PLEKHA7: variants seen among roughly 807,000 people sequenced by gnomAD.
PLEKHA7 encodes pleckstrin homology domain-containing family A member 7.
In PLEKHA7, 104 loss-of-function variants were observed where a neutral mutation model predicts 170.0. The observed-to-expected ratio is 0.61, with a 90% CI of 0.52 to 0.72. The LOEUF is 0.72. Ranked by LOEUF, PLEKHA7 falls within the 30% of genes least tolerant of loss-of-function variation. The pLI, the probability that PLEKHA7 is intolerant of heterozygous loss-of-function variation, is 0.00. For synonymous variants in PLEKHA7, 648 were observed against 660.8 expected, an observed-to-expected ratio of 0.98 and a Z score of 0.30; for missense variants, 1,615 against 1,671.7, an observed-to-expected ratio of 0.97 and a Z score of 0.59.
intron 3 of PLEKHA7, among the ~76,000 whole-genome samples, chr11:16,936,490 T>C (rs1253880129): frequency 6.7e-6 from 1 of 150,034 alleles, no homozygotes; most frequent in African/African-American, 2.5e-5. Flanking sequence ...CCTAACAAAT[T>C]TGGAATCAAA....
At chr11:16,955,449 C>A (rs1405816699) in intron 3 of PLEKHA7, among the ~76,000 whole-genome samples, 1 of 152,186 alleles carries the variant, frequency 6.6e-6, no homozygotes, top group Non-Finnish European at 1.5e-5. Flanking sequence ...CTGAACTGGG[C>A]TTAAAGGACC....
At chr11:16,841,830 A>G in intron 8 of PLEKHA7, 108 bp from the exon 9 acceptor site, 1 of 1,112,338 alleles carries the variant, frequency 9.0e-7, no homozygotes, top group South Asian at 1.7e-5. Flanking sequence ...AAGCCCAAGC[A>G]CCACCCAACT....
intron 3 of PLEKHA7, among the ~76,000 whole-genome samples, chr11:16,973,945 G>C (rs1448920788): frequency 6.6e-6 from 1 of 152,156 alleles, no homozygotes; most frequent in Non-Finnish European, 1.5e-5. Flanking sequence ...CCATTGTCTT[G>C]AGCCTGCATG....
At position 16,789,145 on chromosome 11, in the gene PLEKHA7, A is replaced by G; in HGVS notation, c.3308T>C (p.Leu1103Pro). 1 of 1,610,412 alleles carries G rather than the reference A, an allele frequency of 6.2e-7. No homozygotes were observed. ...CCGGCTGAGGTAGCGAGATGAGGGC[A>G]GGCCCGTCCTCTCCCCTTGGCCCAG... ...RTLGQGERTG[L>P]PSSRYLSRPL... Residue 1103 changes from leucine to proline, a missense_variant, in exon 23 of 27, where the codon CTG becomes CCG. Transcript: ENST00000531066. The surrounding 1 kb of genome is among the most constrained non-coding windows in gnomAD (Gnocchi z 4.6).
In PLEKHA7 at chr11:16,821,187, T is replaced by C. The variant is rs748879959; in HGVS notation, c.1344-3865A>G. 2.0e-4 allele frequency among the ~76,000 whole-genome samples: 30 copies of C among 152,336 alleles called. 1 individual carries two copies. Among genetic ancestry groups the C allele is most frequent in the Middle Eastern group, 6.8e-3 (2 of 294 alleles). On this transcript the variant is annotated intron_variant, in intron 10 of 26. Coordinates refer to ENST00000531066, the MANE Select transcript of PLEKHA7 (RefSeq NM_001329630.2). Reference sequence around the variant, plus strand: ...AATATCATTTTTTGCAACAAATTATTATACTTTACTCAGCAGATGTTCCTC... The same window carrying C: ...AATATCATTTTTTGCAACAAATTATCATACTTTACTCAGCAGATGTTCCTC...
intron 3 of PLEKHA7, among the ~76,000 whole-genome samples, chr11:16,964,987 A>T (rs1862281448): frequency 7.1e-6 from 1 of 140,512 alleles, no homozygotes; most frequent in Admixed American, 7.6e-5. Context: ...TCATTTATTA[A>T]TGGGATATAC....
chr11:16,859,388 G>A (rs1362367556), intron 4 of PLEKHA7, among the ~76,000 whole-genome samples: 2 of 152,200 alleles, frequency 1.3e-5, no homozygotes, highest in Non-Finnish European at 2.9e-5. Context: ...AAAAAATGGT[G>A]GTCGTGCTTG....
intron 3 of PLEKHA7, among the ~76,000 whole-genome samples, chr11:16,925,529 C>T (rs2136283655): frequency 6.6e-6 from 1 of 152,302 alleles, no homozygotes; most frequent in East Asian, 1.9e-4. Flanking sequence ...CACACACCTG[C>T]AGGCCCCCCT....
At chr11:16,889,412 A>ATAT (rs1459889235) in intron 3 of PLEKHA7, among the ~76,000 whole-genome samples, 3 of 115,518 alleles carry the variant, frequency 2.6e-5, no homozygotes, top group African/African-American at 1.1e-4. Flanking sequence ...AAAAAAAAAA[A>ATAT]AAAAAAAAAT....
chr11:16,952,244 T>C (rs1463406032), intron 3 of PLEKHA7, among the ~76,000 whole-genome samples: 2 of 152,184 alleles, frequency 1.3e-5, no homozygotes, highest in African/African-American at 4.8e-5. Flanking sequence ...TGCAGGACTT[T>C]GGGTATTCCT....
At chr11:16,948,054 T>A (rs890228234) in intron 3 of PLEKHA7, among the ~76,000 whole-genome samples, 1 of 152,136 alleles carries the variant, frequency 6.6e-6, no homozygotes, top group Non-Finnish European at 1.5e-5. Flanking sequence ...GAGGAATTTA[T>A]GTTGTAAAGC....
chr11:16,847,090 C>CTTTTTTTTT (rs59132787), intron 8 of PLEKHA7, among the ~76,000 whole-genome samples: 8 of 70,810 alleles, frequency 1.1e-4, no homozygotes, highest in East Asian at 5.1e-4. Context: ...TTTTTTTTTT[C>CTTTTTTTTT]TTTTTTTTTT....
At position 16,791,450 on chromosome 11, in the gene PLEKHA7, T is replaced by C; in HGVS notation, c.2746-251A>G. 1.6e-6 allele frequency: 1 copy of C among 618,602 alleles called. No homozygotes were observed. Among genetic ancestry groups the C allele is most frequent in the Non-Finnish European group, 3.0e-6 (1 of 338,422 alleles). 38.3% of individuals were successfully genotyped at this position (618,602 alleles called of 1,614,324 possible). A position where few individuals can be genotyped will look rare whatever the true frequency, so the allele number is the denominator to read the frequency against. On this transcript the variant is annotated intron_variant, in intron 19 of 26. Coordinates refer to ENST00000531066, the MANE Select transcript of PLEKHA7 (RefSeq NM_001329630.2). The surrounding 1 kb of genome is among the most constrained non-coding windows in gnomAD (Gnocchi z 4.5). ...AAGTGTTACCTGTATAACTGTGTCC[T>C]GAAACCCAGGACTCAGGTCTCCTGG...
intron 9 of PLEKHA7, among the ~76,000 whole-genome samples, chr11:16,828,917 T>A (rs548418682): frequency 6.6e-6 from 1 of 152,170 alleles, no homozygotes; most frequent in African/African-American, 2.4e-5. Context: ...TGGAGAAACA[T>A]AGAATCCTAA....
At chr11:16,976,948 G>A (rs1209803656) in intron 3 of PLEKHA7, among the ~76,000 whole-genome samples, 1 of 152,146 alleles carries the variant, frequency 6.6e-6, no homozygotes, top group Non-Finnish European at 1.5e-5. Flanking sequence ...CTGGCAGTGT[G>A]CAGTTACACT....
rs754133147 is a variant in PLEKHA7 at position 16,871,106 on chromosome 11, GAA to G, written c.296_297del (p.Leu99ProfsTer23). 11 of 1,593,048 alleles carry G rather than the reference GAA, an allele frequency of 6.9e-6. No homozygotes were observed. Among genetic ancestry groups the G allele is most frequent in the African/African-American group, 2.7e-5 (2 of 74,340 alleles). On this transcript the variant is annotated frameshift_variant, in exon 4 of 27. Transcript: ENST00000531066. LOFTEE classifies it high-confidence loss of function. Reference protein sequence around the residue: ...QFSPENSEFILQEEPNPHMSK... With the variant: ...QFSPENSEFIXQEEPNPHMSK... ...ATACATAAAAAGACTTACTCTTCTT[GAA>G]GAATGAATTCACTATTTTCTGGAGA...
chr11:16,816,534 A>T (rs905923104), intron 11 of PLEKHA7, among the ~76,000 whole-genome samples: 1 of 152,058 alleles, frequency 6.6e-6, no homozygotes. Context: ...TAGTTGTGTG[A>T]CCCTGTGCAA....
At chr11:16,868,573 C>T (rs913769603) in intron 4 of PLEKHA7, among the ~76,000 whole-genome samples, 3 of 152,182 alleles carry the variant, frequency 2.0e-5, no homozygotes, top group Non-Finnish European at 2.9e-5. Flanking sequence ...GCCCCAGACA[C>T]AATGTAAGTA....
intron 3 of PLEKHA7, among the ~76,000 whole-genome samples, chr11:16,914,664 C>T (rs561897815): frequency 5.3e-5 from 8 of 152,258 alleles, no homozygotes; most frequent in South Asian, 2.1e-4. Flanking sequence ...GGATTAACCC[C>T]GGGAAATACT....
Sources: allele counts gnomAD v4.1 joint callset (sites outside exome capture counted in the v4.1 genomes callset), GRCh38; gene constraint gnomAD v4.1.1; non-coding constraint Gnocchi (gnomAD v3.1); transcripts MANE v1.5; gene names NCBI Gene and HGNC (gene_info 2026-07-23, HGNC 2026-07-21).